The following FAF1 variants were observed in gnomAD, a reference collection of about 807,000 sequenced individuals.
FAF1 encodes FAS-associated factor 1.
FAF1 carries 25 observed loss-of-function variants against 92.5 expected under a neutral mutation model. That is an observed-to-expected ratio of 0.27 (90% CI 0.20 to 0.38). The LOEUF is 0.38. Among genes scored for constraint, FAF1 ranks in the 10% least tolerant of loss-of-function variants. The probability of loss-of-function intolerance (pLI) is 1.00; values close to 1 mark genes in which losing one functional copy is unlikely to be tolerated. For synonymous variants in FAF1, 234 were observed against 273.2 expected, an observed-to-expected ratio of 0.86 and a Z score of 1.42; for missense variants, 636 against 793.3, an observed-to-expected ratio of 0.80 and a Z score of 2.38.
intron 6 of FAF1, among the ~76,000 whole-genome samples, chr1:50,726,168 A>C (rs1258218314): frequency 6.6e-6 from 1 of 152,036 alleles, no homozygotes; most frequent in African/African-American, 2.4e-5. Flanking sequence ...AGGCAGGAGA[A>C]TCACTTGAAC....
chr1:50,902,960 C>T (rs1644808193), intron 1 of FAF1, among the ~76,000 whole-genome samples: 3 of 152,094 alleles, frequency 2.0e-5, no homozygotes, highest in Admixed American at 6.6e-5. Flanking sequence ...TATCCAACTA[C>T]ACAATTTGGG....
intron 18 of FAF1, among the ~76,000 whole-genome samples, chr1:50,460,365 T>C (rs977178455): frequency 6.6e-6 from 1 of 152,186 alleles, no homozygotes; most frequent in Non-Finnish European, 1.5e-5. Context: ...GTGTGCTTTT[T>C]GTTAGTGATT....
intron 6 of FAF1, among the ~76,000 whole-genome samples, chr1:50,728,866 T>C (rs1016069651): frequency 1.3e-5 from 2 of 150,422 alleles, no homozygotes; most frequent in Non-Finnish European, 3.0e-5. Flanking sequence ...AGCTGTAGTT[T>C]TATGGAGAGG....
chr1:50,537,209 A>G (rs1232244187), intron 14 of FAF1, among the ~76,000 whole-genome samples: 1 of 152,200 alleles, frequency 6.6e-6, no homozygotes, highest in Non-Finnish European at 1.5e-5. Flanking sequence ...TGGAATCATC[A>G]GTGGGAAAAT....
chr1:50,807,336 G>A (rs1662244176), intron 2 of FAF1, among the ~76,000 whole-genome samples: 1 of 152,220 alleles, frequency 6.6e-6, no homozygotes, highest in Non-Finnish European at 1.5e-5. Context: ...AGTTCCACAG[G>A]CTGTATAGAA....
chr1:50,859,289 A>C (rs1433959861), intron 1 of FAF1, among the ~76,000 whole-genome samples: 1 of 151,848 alleles, frequency 6.6e-6, no homozygotes, highest in Non-Finnish European at 1.5e-5. Flanking sequence ...AAAGAAATAA[A>C]AGGCATCTAA....
At chr1:50,614,204 T>C (rs943426337) in intron 8 of FAF1, among the ~76,000 whole-genome samples, 6 of 152,072 alleles carry the variant, frequency 3.9e-5, no homozygotes, top group African/African-American at 1.4e-4. Flanking sequence ...AAAAGAATGA[T>C]CCATTCCCAA....
intron 13 of FAF1, among the ~76,000 whole-genome samples, chr1:50,554,390 T>TATATATATATATAGAGAG: frequency 9.6e-5 from 9 of 93,680 alleles, no homozygotes; most frequent in Admixed American, 5.9e-4. Flanking sequence ...TATATATATA[T>TATATATATATATAGAGAG]AGAGAGAGAG....
intron 14 of FAF1, among the ~76,000 whole-genome samples, chr1:50,538,553 CA>C (rs34003582): frequency 0.19 from 14,461 of 78,086 alleles, 778 homozygotes; most frequent in African/African-American, 0.26. Context: ...GTAAAAAAGG[CA>C]AAAAAAAAAA....
intron 3 of FAF1, among the ~76,000 whole-genome samples, chr1:50,793,061 G>A (rs1259374780): frequency 6.6e-6 from 1 of 152,026 alleles, no homozygotes; most frequent in Non-Finnish European, 1.5e-5. Flanking sequence ...AAAATTAAAG[G>A]TCAGTCTACT....
chr1:50,727,749 T>C (rs1658722805), intron 6 of FAF1, among the ~76,000 whole-genome samples: 1 of 152,198 alleles, frequency 6.6e-6, no homozygotes, highest in South Asian at 2.1e-4. Flanking sequence ...ACCCTCAATC[T>C]GGGTGGGTAT....
intron 13 of FAF1, among the ~76,000 whole-genome samples, chr1:50,563,829 A>G (rs1650043641): frequency 6.6e-6 from 1 of 152,208 alleles, no homozygotes; most frequent in Non-Finnish European, 1.5e-5. Context: ...GAATTATTCC[A>G]ACATATTTTG....
chr1:50,687,355 CA>C (rs78325708), intron 7 of FAF1, among the ~76,000 whole-genome samples: 2,902 of 83,772 alleles, frequency 0.035, 26 homozygotes, highest in Middle Eastern at 0.054. Flanking sequence ...TTTTATCAAT[CA>C]AAAAAAAAAA....
chr1:50,480,637 A>G lies in FAF1; in HGVS notation c.1654-4958T>C, dbSNP rs74082533. 5.6e-3 allele frequency among the ~76,000 whole-genome samples: 858 copies of G among 152,336 alleles called. 6 individuals carry two copies. The highest frequency in any genetic ancestry group is 0.02 in the African/African-American group (822 of 41,574). The stretch of plus-strand genomic sequence containing the variant: ...ACAACAAAGACACACATAAGAAAAG[A>G]TAGTATGTGCCACATAGGGACTTTT... On this transcript the variant is annotated intron_variant, in intron 17 of 18. Transcript: ENST00000396153.
intron 6 of FAF1, among the ~76,000 whole-genome samples, chr1:50,729,052 A>ATTTTT (rs1490540715): frequency 1.0e-5 from 1 of 97,926 alleles, no homozygotes; most frequent in African/African-American, 4.3e-5. Context: ...ATATATATAT[A>ATTTTT]TATATATTTT....
chr1:50,442,363 A>G (rs1461795967), intron 18 of FAF1, among the ~76,000 whole-genome samples: 4 of 152,258 alleles, frequency 2.6e-5, no homozygotes, highest in African/African-American at 9.6e-5. Context: ...ACTCTACTTT[A>G]AATTACAGCT....
chr1:50,674,250 C>T (rs539402916), intron 7 of FAF1, among the ~76,000 whole-genome samples: 6 of 151,486 alleles, frequency 4.0e-5, no homozygotes, highest in African/African-American at 7.2e-5. Context: ...TGCTCCGGGC[C>T]CCAAGGCAAT....
intron 18 of FAF1, chr1:50,461,386 C>T (rs1646427716): frequency 6.6e-6 from 1 of 152,126 alleles, no homozygotes; most frequent in African/African-American, 2.4e-5. Context: ...ATAGACAAGA[C>T]TGTGTTGTAA....
At chr1:50,457,434 A>G (rs541261343) in intron 18 of FAF1, among the ~76,000 whole-genome samples, 3 of 152,294 alleles carry the variant, frequency 2.0e-5, no homozygotes, top group African/African-American at 7.2e-5. Context: ...GCACATACAC[A>G]TTTGCAGTTG....
Sources: gnomAD v4.1 joint callset for allele counts (sites outside exome capture counted in the v4.1 genomes callset) on GRCh38, gnomAD v4.1.1 for gene constraint, MANE v1.5 for transcripts, NCBI Gene and HGNC (gene_info 2026-07-23, HGNC 2026-07-21) for gene names.